Variants in TP63 observed in about 807,000 individuals in gnomAD.
The protein encoded by TP63 is tumor protein p63.
In TP63, 17 loss-of-function variants were observed where a neutral mutation model predicts 82.8. That is an observed-to-expected ratio of 0.21 (90% CI 0.14 to 0.31). The LOEUF is 0.31. Ranked by LOEUF, TP63 falls within the 10% of genes least tolerant of loss-of-function variation. TP63 has a pLI of 1.00. For missense variants in TP63, 648 were observed against 895.3 expected (o/e 0.72, Z 3.52); for synonymous variants, 330 against 321.7 (o/e 1.03, Z -0.28).
At chr3:189,840,357 G>GTT (rs1448472305) in intron 4 of TP63, among the ~76,000 whole-genome samples, 1 of 49,946 alleles carries the variant, frequency 2.0e-5, no homozygotes, top group African/African-American at 8.4e-5. Context: ...TTTGCTTTTC[G>GTT]TCTTTTTTTT....
At chr3:189,745,385 G>A (rs77352700) in intron 3 of TP63, among the ~76,000 whole-genome samples, 7,249 of 152,142 alleles carry the variant, frequency 0.048, 336 homozygotes, top group East Asian at 0.24. Context: ...ATATAAATGA[G>A]ACATTTACCA....
chr3:189,786,231 A>G (rs76193790), intron 3 of TP63, among the ~76,000 whole-genome samples: 15,295 of 152,010 alleles, frequency 0.1, 962 homozygotes, highest in East Asian at 0.32. Flanking sequence ...CTGGAAAGTT[A>G]AAAGACTTGC....
At position 189,698,399 on chromosome 3, in the gene TP63, A is replaced by G. The variant is rs1717552900; in HGVS notation, c.63-39341A>G. Among the ~76,000 whole-genome samples the G allele has an allele frequency of 3.3e-5, 5 of 151,712 alleles. No homozygotes were observed. In the South Asian group the frequency reaches 1.0e-3, roughly 31 times the overall value. ...ACTCATTTACTCCTTCCTTTCTCTT[A>G]TTTTTCTCAGTTTCTTCCATCTCAA... On this transcript the variant is annotated intron_variant, in intron 1 of 13. Coordinates refer to ENST00000264731, the MANE Select transcript of TP63 (RefSeq NM_003722.5).
At chr3:189,711,933 GGAA>G (rs1457402188) in intron 1 of TP63, among the ~76,000 whole-genome samples, 12 of 152,242 alleles carry the variant, frequency 7.9e-5, no homozygotes, top group Middle Eastern at 3.4e-3. Context: ...GATGGACAGA[GGAA>G]GAGCAAAAGC....
chr3:189,653,481 C>T (rs575197172), intron 1 of TP63, among the ~76,000 whole-genome samples: 18 of 152,320 alleles, frequency 1.2e-4, no homozygotes, highest in South Asian at 4.1e-4. Context: ...TCTTATTTCT[C>T]AGTTTCTATG....
chr3:189,832,069 A>G (rs1577059376), intron 4 of TP63, among the ~76,000 whole-genome samples: 1 of 151,952 alleles, frequency 6.6e-6, no homozygotes, highest in South Asian at 2.1e-4. Context: ...TGACCTCATC[A>G]TCCACCTGCC....
At chr3:189,626,368 C>A in the TP63 span, among the ~76,000 whole-genome samples, 1 of 152,184 alleles carries the variant, frequency 6.6e-6, no homozygotes, top group Non-Finnish European at 1.5e-5. Context: ...TACTCCACCA[C>A]CTCCTCTCCT....
chr3:189,880,771 T>C (rs2108841763), intron 10 of TP63: 1 of 985,412 alleles, frequency 1.0e-6, no homozygotes, highest in African/African-American at 1.7e-5. Context: ...GTAATCAACT[T>C]TGTGGGTGGA....
At chr3:189,781,246 G>A (rs1311712795) in intron 3 of TP63, among the ~76,000 whole-genome samples, 1 of 152,174 alleles carries the variant, frequency 6.6e-6, no homozygotes, top group African/African-American at 2.4e-5. Flanking sequence ...GGATTTAAGG[G>A]TAATGTAATC....
the TP63 span, among the ~76,000 whole-genome samples, chr3:189,599,901 G>A: frequency 2.6e-5 from 4 of 151,984 alleles, no homozygotes; most frequent in Non-Finnish European, 4.4e-5. Context: ...TTTCCTCAAC[G>A]AGTCAAACAC....
rs779050433 is a variant in TP63 at position 189,875,589 on chromosome 3, C to CATATATAT, written c.1349+2597_1349+2598insTATATATA. On this transcript the variant is annotated intron_variant, in intron 10 of 13. Transcript: ENST00000264731. The stretch of plus-strand genomic sequence containing the variant: ...TCAAAAAGAAAAAGAAAAAAAAATA[C>CATATATAT]ATACATATATATATATATATATATA... 6.7e-3 allele frequency among the ~76,000 whole-genome samples: 298 copies of CATATATAT among 44,296 alleles called. 2 individuals are homozygous for CATATATAT. Among genetic ancestry groups the CATATATAT allele is most frequent in the Non-Finnish European group, 7.2e-3 (180 of 24,838 alleles). 29.1% of individuals were successfully genotyped at this position (44,296 alleles called of 152,430 possible).
intron 1 of TP63, among the ~76,000 whole-genome samples, chr3:189,707,206 C>G (rs1718269431): frequency 6.6e-6 from 1 of 152,152 alleles, no homozygotes; most frequent in African/African-American, 2.4e-5. Context: ...TTAAACATTT[C>G]TATTTTTCTG....
intron 10 of TP63, 92 bp downstream of exon 10, chr3:189,873,087 T>G (rs1308827878): frequency 6.3e-7 from 1 of 1,582,666 alleles, no homozygotes; most frequent in African/African-American, 1.3e-5. Flanking sequence ...ATGTGGAACA[T>G]AATGGGAGAT....
chr3:189,704,661 A>T (rs1718067818), intron 1 of TP63, among the ~76,000 whole-genome samples: 1 of 152,240 alleles, frequency 6.6e-6, no homozygotes, highest in Admixed American at 6.5e-5. Context: ...CTCAGGGCCT[A>T]GCACAGTGCT....
intron 1 of TP63, among the ~76,000 whole-genome samples, chr3:189,663,423 G>A (rs1375736257): frequency 6.6e-6 from 1 of 151,388 alleles, no homozygotes; most frequent in Non-Finnish European, 1.5e-5. Context: ...GCTATCCTTT[G>A]CTGTCCACAA....
Position 189,879,974 on chromosome 3 carries a change from G to A in TP63, c.1350-6420G>A, listed in dbSNP as rs1217341537. 8 of 1,525,468 alleles carry A rather than the reference G, an allele frequency of 5.2e-6. No individual in the cohort carries two copies. The Admixed American group carries it at 8.5e-5, about 16-fold the overall frequency. The allele number at this position is 1,525,468 out of a possible 1,614,324, so 94.5% of individuals were successfully genotyped here. On this transcript the variant is annotated intron_variant, in intron 10 of 13. Coordinates refer to ENST00000264731, the MANE Select transcript of TP63 (RefSeq NM_003722.5). ...ATTCTGTCTATACTATGATCATGAA[G>A]GTATAAGGAGTGTGTTTCTGAATTC... is the stretch of plus-strand genomic sequence containing the variant.
chr3:189,710,190 C>T (rs1718493488), intron 1 of TP63, among the ~76,000 whole-genome samples: 1 of 152,084 alleles, frequency 6.6e-6, no homozygotes, highest in Non-Finnish European at 1.5e-5. Flanking sequence ...TTCACTGTGT[C>T]CCTTGTAAGT....
chr3:189,744,207 TTTCA>T (rs1721205664), intron 3 of TP63, among the ~76,000 whole-genome samples: 1 of 151,482 alleles, frequency 6.6e-6, no homozygotes, highest in Admixed American at 6.6e-5. Flanking sequence ...AGTGACACAT[TTTCA>T]TGTGCCTCAG....
intron 3 of TP63, among the ~76,000 whole-genome samples, chr3:189,761,641 G>A (rs144784324): frequency 0.011 from 1,621 of 152,160 alleles, 31 homozygotes; most frequent in African/African-American, 0.037. Context: ...ACCTCTGCCC[G>A]TTACCCAGTT....
Sources: allele counts gnomAD v4.1 joint callset (sites outside exome capture counted in the v4.1 genomes callset), GRCh38; gene constraint gnomAD v4.1.1; transcripts MANE v1.5; gene names NCBI Gene and HGNC (gene_info 2026-07-23, HGNC 2026-07-21).